The following VAMP5 variants were observed in gnomAD, a reference collection of about 807,000 sequenced individuals.
VAMP5 encodes the protein vesicle associated membrane protein 5.
VAMP5 carries 10 observed loss-of-function variants against 8.1 expected under a neutral mutation model. The observed-to-expected ratio is 1.23, with a 90% CI of 0.76 to 2.09. VAMP5 has a LOEUF of 2.09. VAMP5 is among the 30% of genes most tolerant of loss of function. VAMP5 has a pLI of 0.00. For synonymous variants in VAMP5, 62 were observed against 60.6 expected, an observed-to-expected ratio of 1.02 and a Z score of -0.11; for missense variants, 135 against 152.5, an observed-to-expected ratio of 0.89 and a Z score of 0.60.
In VAMP5 at chr2:85,591,793, C is replaced by G. The variant is rs370157833; in HGVS notation, c.72C>G (p.Phe24Leu). Residue 24 changes from phenylalanine to leucine, a missense_variant, in exon 2 of 3, where the codon TTC (phenylalanine) becomes TTG (leucine). Transcript: ENST00000306384. Reference sequence around the variant, plus strand: ...TGACGGAAATTATGCGTAACAACTTCGGCAAGGTCCTGGAGCGTGGTGTGA... The same window carrying G: ...TGACGGAAATTATGCGTAACAACTTGGGCAAGGTCCTGGAGCGTGGTGTGA... ...NEVTEIMRNN[F>L]GKVLERGVKL... is the part of the protein sequence containing the mutation. 6.2e-7 allele frequency: 1 copy of G among 1,614,130 alleles called. No individual in the cohort carries two copies. The highest frequency in any genetic ancestry group is 8.5e-7 in the Non-Finnish European group (1 of 1,179,998).
chr2:85,586,981 A>G (rs773107076), intron 1 of VAMP5, among the ~76,000 whole-genome samples: 9 of 151,912 alleles, frequency 5.9e-5, no homozygotes, highest in Non-Finnish European at 2.9e-5. Context: ...AGGCTGAGGC[A>G]GGAGAATGGC....
At chr2:85,590,036 AG>A (rs1011811808) in intron 1 of VAMP5, among the ~76,000 whole-genome samples, 46 of 152,146 alleles carry the variant, frequency 3.0e-4, no homozygotes, top group African/African-American at 1.1e-3. Context: ...TAGTAATAAT[AG>A]TGATGACGGT....
chr2:85,587,071 T>A (rs567162374), intron 1 of VAMP5, among the ~76,000 whole-genome samples: 1 of 148,616 alleles, frequency 6.7e-6, no homozygotes, highest in South Asian at 2.1e-4. Context: ...TGAGACACCA[T>A]CTCAAAAAAA....
At chr2:85,592,800 C>CAAAA (rs375145374) in intron 2 of VAMP5, 148 bp from the exon 3 acceptor site, 66 of 513,954 alleles carry the variant, frequency 1.3e-4, no homozygotes, top group African/African-American at 4.1e-4. Context: ...GACTCCTTCT[C>CAAAA]AAAAAAAAAA....
At position 85,591,932 on chromosome 2, in the gene VAMP5, G is replaced by C. The variant is rs551506226; in HGVS notation, c.141+70G>C. ...AAAGTCTCTCTTGGGCTGTATTCAG[G>C]ATCTCCAGTTCCTTGGTGGGGTTGA... is the stretch of plus-strand genomic sequence containing the variant. On this transcript the variant is annotated intron_variant, in intron 2 of 2. Coordinates refer to ENST00000306384, the MANE Select transcript of VAMP5 (RefSeq NM_006634.3). The C allele has an allele frequency of 2.5e-6, 4 of 1,594,726 alleles. No individual in the cohort carries two copies. In the South Asian group the frequency reaches 4.5e-5, roughly 18 times the overall value.
At position 85,592,852 on chromosome 2, in the gene VAMP5, G is replaced by A. The variant is rs115723319; in HGVS notation, c.142-96G>A. On this transcript the variant is annotated intron_variant, in intron 2 of 2. Coordinates refer to ENST00000306384, the MANE Select transcript of VAMP5 (RefSeq NM_006634.3). ...AGACAAGATGGGGAGGATGCAGGAG[G>A]AGACTAAGCCTTACTGAGATGGGGT... 8.0e-3 allele frequency: 9,683 copies of A among 1,214,110 alleles called. 69 individuals carry two copies. The highest frequency in any genetic ancestry group is 0.019 in the Middle Eastern group (68 of 3,660). 75.2% of individuals were successfully genotyped at this position (1,214,110 alleles called of 1,614,324 possible).
In VAMP5 at chr2:85,593,188, G is replaced by T; in HGVS notation, c.*31G>T. ...CTGGTCCTGAAGGAGAAGCCAAATG[G>T]CTGCACTGGCCGATTCTGGTCTCCA... is the stretch of plus-strand genomic sequence containing the variant. On this transcript the variant is annotated 3_prime_UTR_variant, in exon 3 of 3. Coordinates refer to ENST00000306384, the MANE Select transcript of VAMP5 (RefSeq NM_006634.3). 1.2e-6 allele frequency: 2 copies of T among 1,611,714 alleles called. No homozygotes were observed. Among genetic ancestry groups the T allele is most frequent in the South Asian group, 2.2e-5 (2 of 90,896 alleles).
chr2:85,592,916 A>G, intron 2 of VAMP5, 32 bp from the exon 3 acceptor site: 1 of 1,611,946 alleles, frequency 6.2e-7, no homozygotes, highest in South Asian at 1.1e-5. Flanking sequence ...GGTGCCAGCT[A>G]ACTCCCACTT....
chr2:85,584,483 C>A lies in VAMP5; in HGVS notation c.-8C>A. 8.0e-7 allele frequency: 1 copy of A among 1,243,262 alleles called. No individual in the cohort carries two copies. The highest frequency in any genetic ancestry group is 1.0e-6 in the Non-Finnish European group (1 of 994,956). The allele number at this position is 1,243,262 out of a possible 1,614,324, so 77.0% of individuals were successfully genotyped here. On this transcript the variant is annotated 5_prime_UTR_variant, in exon 1 of 3. Coordinates refer to ENST00000306384, the MANE Select transcript of VAMP5 (RefSeq NM_006634.3). ...CCGGGAGCGGGCGAGGCGGCGGCGG[C>A]AGCAGCGATGGTGAGGGCCCAGGCG... is the stretch of plus-strand genomic sequence containing the variant.
chr2:85,592,812 AAAAAG>A (rs1015251967), intron 2 of VAMP5, 131 bp from the exon 3 acceptor site: 22 of 824,888 alleles, frequency 2.7e-5, no homozygotes, highest in African/African-American at 2.3e-4. Context: ...AAAAAAAAAA[AAAAAG>A]AAAGAAAGTA....
At chr2:85,587,497 C>A (rs1672481234) in intron 1 of VAMP5, among the ~76,000 whole-genome samples, 1 of 151,922 alleles carries the variant, frequency 6.6e-6, no homozygotes, top group African/African-American at 2.4e-5. Flanking sequence ...TGTGATCCAC[C>A]TGCCTCGGCC....
Position 85,591,806 on chromosome 2 carries a change from G to A in VAMP5, c.85G>A (p.Glu29Lys). The A allele has an allele frequency of 6.2e-7, 1 of 1,614,204 alleles. No homozygotes were observed. ...IMRNNFGKVLERGVKLAELQQ... is the reference protein window; with the variant it reads ...IMRNNFGKVLKRGVKLAELQQ... Reference sequence around the variant, plus strand: ...GCGTAACAACTTCGGCAAGGTCCTGGAGCGTGGTGTGAAGCTGGCCGAACT... The same window carrying A: ...GCGTAACAACTTCGGCAAGGTCCTGAAGCGTGGTGTGAAGCTGGCCGAACT... Residue 29 changes from glutamate (E) to lysine (K), a missense_variant, in exon 2 of 3, where the codon GAG becomes AAG. By Grantham distance (56) the Glu-to-Lys change is moderately conservative. Coordinates refer to ENST00000306384, the MANE Select transcript of VAMP5 (RefSeq NM_006634.3).
chr2:85,591,605 G>A (rs1215640614), intron 1 of VAMP5, 120 bp from the exon 2 acceptor site: 4 of 1,448,910 alleles, frequency 2.8e-6, no homozygotes, highest in Admixed American at 4.1e-5. Context: ...TTACACGAAG[G>A]ATGCTGTTAC....
At chr2:85,588,131 G>A (rs913313874) in intron 1 of VAMP5, among the ~76,000 whole-genome samples, 3 of 152,082 alleles carry the variant, frequency 2.0e-5, no homozygotes, top group African/African-American at 4.8e-5. Flanking sequence ...CTGGGACTAT[G>A]GGCAGGCACC....
rs765885763 is a variant in VAMP5, at chr2:85,593,016, G to T, written c.210G>T (p.Arg70=). 3.1e-6 allele frequency: 5 copies of T among 1,614,060 alleles called. No homozygotes were observed. Among genetic ancestry groups the T allele is most frequent in the Non-Finnish European group, 4.2e-6 (5 of 1,180,038 alleles). ...AGTGCTGGGAGAACATCCGTTACCG[G>T]ATCTGCGTGGGGCTGGTGGTGGTTG... ...QKKCWENIRY[R]ICVGLVVVGV... is the part of the protein sequence containing the mutation. Residue 70 remains arginine (R), a synonymous_variant, in exon 3 of 3, where the codon CGG becomes CGT. Transcript: ENST00000306384.
intron 1 of VAMP5, among the ~76,000 whole-genome samples, chr2:85,588,050 C>T (rs1389864763): frequency 2.0e-5 from 3 of 151,998 alleles, no homozygotes; most frequent in Non-Finnish European, 2.9e-5. Flanking sequence ...GAGTGCAGTG[C>T]GCAATCTTGG....
rs1356222331 is a variant in VAMP5 at position 85,584,471 on chromosome 2, A to AGGC, written c.-10_-8dup. ...CAGGCAGAGAAGCCGGGAGCGGGCGAGGCGGCGGCGGCAGCAGCGATGGTG... is the reference window on the plus strand; with the variant it reads ...CAGGCAGAGAAGCCGGGAGCGGGCGAGGCGGCGGCGGCGGCAGCAGCGATGGTG... On this transcript the variant is annotated 5_prime_UTR_variant, in exon 1 of 3. Transcript: ENST00000306384. 7.2e-6 allele frequency: 9 copies of AGGC among 1,243,012 alleles called. No individual in the cohort carries two copies. The highest frequency in any genetic ancestry group is 7.2e-5 in the South Asian group (2 of 27,718). The allele number at this position is 1,243,012 out of a possible 1,614,324, so 77.0% of individuals were successfully genotyped here.
chr2:85,585,277 A>C (rs1472021984), intron 1 of VAMP5, among the ~76,000 whole-genome samples: 4 of 152,234 alleles, frequency 2.6e-5, no homozygotes, highest in Non-Finnish European at 5.9e-5. Flanking sequence ...TCCAAGGCAA[A>C]GATGTCAGGA....
intron 1 of VAMP5, among the ~76,000 whole-genome samples, chr2:85,588,223 C>G (rs1036806454): frequency 1.3e-5 from 2 of 152,154 alleles, no homozygotes; most frequent in African/African-American, 4.8e-5. Flanking sequence ...GGATTACAGG[C>G]ATGAGCCACC....
Sources: allele counts gnomAD v4.1 joint callset (sites outside exome capture counted in the v4.1 genomes callset), GRCh38; gene constraint gnomAD v4.1.1; transcripts MANE v1.5; gene names NCBI Gene and HGNC (gene_info 2026-07-23, HGNC 2026-07-21).